Variants in TEKT3 observed in about 807,000 individuals in gnomAD.
TEKT3 encodes the protein tektin 3.
A neutral mutation model predicts 49.8 loss-of-function variants in TEKT3; 49 were observed. The observed-to-expected ratio is 0.98, with a 90% CI of 0.78 to 1.25. The LOEUF is 1.25. Ranked by LOEUF, TEKT3 falls within the 50% of genes most tolerant of loss-of-function variation. The pLI is 0.00. For missense variants in TEKT3, 595 were observed against 629.5 expected, an observed-to-expected ratio of 0.95 and a Z score of 0.59; for synonymous variants, 225 against 237.2, an observed-to-expected ratio of 0.95 and a Z score of 0.47.
At chr17:15,311,627 A>G (rs1235795766) in intron 7 of TEKT3, among the ~76,000 whole-genome samples, 1 of 152,214 alleles carries the variant, frequency 6.6e-6, no homozygotes, top group Non-Finnish European at 1.5e-5. Flanking sequence ...ATGAATATGT[A>G]CAATTATTTT....
rs991567427 is a variant in TEKT3, at chr17:15,341,576, C to G, written c.-122G>C. The G allele has an allele frequency of 6.6e-6, 1 of 152,372 alleles. No homozygotes were observed. The highest frequency in any genetic ancestry group is 6.5e-5 in the Admixed American group (1 of 15,288). 9.4% of individuals were successfully genotyped at this position (152,372 alleles called of 1,614,324 possible). A position where few individuals can be genotyped will look rare whatever the true frequency, so the allele number is the denominator to read the frequency against. ...GGCTGTGGGAGGAAGGGGTCGCAGC[C>G]TACCACCTGCAGCCCTCGACTGGGG... On this transcript the variant is annotated 5_prime_UTR_variant, in exon 1 of 9. Transcript: ENST00000395930.
chr17:15,308,080 A>G (rs1405956245), intron 8 of TEKT3, among the ~76,000 whole-genome samples: 1 of 152,208 alleles, frequency 6.6e-6, no homozygotes, highest in Admixed American at 6.5e-5. Flanking sequence ...TCTACTGAGA[A>G]TGAAACACAT....
upstream of TEKT3, among the ~76,000 whole-genome samples, chr17:15,343,481 G>C (rs1406805129): frequency 6.6e-6 from 1 of 152,078 alleles, no homozygotes; most frequent in Non-Finnish European, 1.5e-5. Flanking sequence ...AAAAAATAAA[G>C]CAAGACCACT....
chr17:15,318,205 G>A (rs1911100328), intron 5 of TEKT3, among the ~76,000 whole-genome samples: 1 of 151,892 alleles, frequency 6.6e-6, no homozygotes. Flanking sequence ...TAGCCAGGAT[G>A]GTCTCGATCT....
intron 4 of TEKT3, among the ~76,000 whole-genome samples, chr17:15,319,764 G>A (rs1181813159): frequency 1.3e-5 from 2 of 152,150 alleles, no homozygotes; most frequent in African/African-American, 4.8e-5. Context: ...CTGCTAGGAT[G>A]TATCCACTAG....
chr17:15,307,746 C>G (rs568672163), intron 8 of TEKT3, among the ~76,000 whole-genome samples: 1 of 152,258 alleles, frequency 6.6e-6, no homozygotes, highest in East Asian at 1.9e-4. Flanking sequence ...TTCTGGAGTT[C>G]ACGCACTGCC....
At chr17:15,319,022 T>C (rs780415379) in intron 5 of TEKT3, 55 bp downstream of exon 5, 31 of 1,410,852 alleles carry the variant, frequency 2.2e-5, no homozygotes, top group Non-Finnish European at 2.8e-5. Flanking sequence ...ATGAGGAGCA[T>C]GAAAGTATAG....
In TEKT3 at chr17:15,303,873, G is replaced by T; in HGVS notation, c.*63C>A. 6.8e-7 allele frequency: 1 copy of T among 1,460,560 alleles called. No individual in the cohort carries two copies. 90.5% of individuals were successfully genotyped at this position (1,460,560 alleles called of 1,614,324 possible). A position where few individuals can be genotyped will look rare whatever the true frequency, so the allele number is the denominator to read the frequency against. On this transcript the variant is annotated 3_prime_UTR_variant, in exon 9 of 9. Transcript: ENST00000395930. The stretch of plus-strand genomic sequence containing the variant: ...GACTATATTAGCATTCGGTTCAAAT[G>T]CTGAGACAGTGCTCTGGCTCAGCCT...
At chr17:15,316,618 AT>A (rs2150739494) in intron 5 of TEKT3, among the ~76,000 whole-genome samples, 1 of 152,264 alleles carries the variant, frequency 6.6e-6, no homozygotes, top group East Asian at 1.9e-4. Context: ...ATATATACAC[AT>A]TTTTTACAAA....
At position 15,312,430 on chromosome 17, in the gene TEKT3, G is replaced by A; in HGVS notation, c.930C>T (p.Arg310=). ...CGGAAGCTGCCCGTTCACTCTGGGA[G>A]CGGAGAATATTGTCATCTGTAAATT... ...WAKFTDDNIL[R]SQSERAASAK... is the part of the protein sequence containing the mutation. Residue 310 remains arginine (R), a synonymous_variant, in exon 7 of 9, where the codon CGC becomes CGT. Transcript: ENST00000395930. 1 of 1,614,180 alleles carries A rather than the reference G, an allele frequency of 6.2e-7. No homozygotes were observed. The highest frequency in any genetic ancestry group is 8.5e-7 in the Non-Finnish European group (1 of 1,180,034).
At chr17:15,312,228 A>G in intron 7 of TEKT3, 31 bp downstream of exon 7, 1 of 1,605,816 alleles carries the variant, frequency 6.2e-7, no homozygotes, top group Non-Finnish European at 8.5e-7. Context: ...TGTCCAGGTC[A>G]GCTAAGGGGT....
At chr17:15,316,870 A>G (rs1911033792) in intron 5 of TEKT3, among the ~76,000 whole-genome samples, 1 of 152,136 alleles carries the variant, frequency 6.6e-6, no homozygotes, top group African/African-American at 2.4e-5. Flanking sequence ...CTGCCTGGAC[A>G]CCCTCTGATC....
At chr17:15,310,402 T>C (rs1275303502) in intron 7 of TEKT3, among the ~76,000 whole-genome samples, 1 of 152,164 alleles carries the variant, frequency 6.6e-6, no homozygotes, top group African/African-American at 2.4e-5. Context: ...TATTTGGAGA[T>C]AGTGTCTCTG....
At chr17:15,343,610 C>T (rs911926739), upstream of TEKT3, among the ~76,000 whole-genome samples, 2 of 152,210 alleles carry the variant, frequency 1.3e-5, no homozygotes, top group Non-Finnish European at 2.9e-5. Flanking sequence ...AAGAGGGACT[C>T]AGTCAATGTT....
chr17:15,343,369 A>G (rs1214666070), upstream of TEKT3, among the ~76,000 whole-genome samples: 1 of 152,094 alleles, frequency 6.6e-6, no homozygotes, highest in Non-Finnish European at 1.5e-5. Context: ...ATACCCTCTC[A>G]AAAAAAATTG....
Position 15,321,059 on chromosome 17 carries a change from GAGTGC to G in TEKT3, c.664-1917_664-1913del, listed in dbSNP as rs552082440. ...GAGTCTTGCTCTATCTCCCAGGCCGGAGTGCAGTGGCGCGATCTCGGCTCACTGCA... is the reference window on the plus strand; with the variant it reads ...GAGTCTTGCTCTATCTCCCAGGCCGGAGTGGCGCGATCTCGGCTCACTGCA... On this transcript the variant is annotated intron_variant, in intron 4 of 8. Coordinates refer to ENST00000395930, the MANE Select transcript of TEKT3 (RefSeq NM_031898.3). Among the ~76,000 whole-genome samples the G allele has an allele frequency of 5.3e-5, 8 of 150,726 alleles. 1 individual carries two copies. The highest frequency in any genetic ancestry group is 5.3e-4 in the Admixed American group (8 of 15,126).
At chr17:15,321,012 A>ATT (rs1911228687) in intron 4 of TEKT3, among the ~76,000 whole-genome samples, 1 of 98,446 alleles carries the variant, frequency 1.0e-5, no homozygotes, top group Non-Finnish European at 2.0e-5. Flanking sequence ...CTACAACAAT[A>ATT]ATTTTTTTTT....
intron 8 of TEKT3, among the ~76,000 whole-genome samples, chr17:15,306,089 A>ATATATATATATGTGTGTGTGTG (rs1291765039): frequency 6.9e-6 from 1 of 144,314 alleles, no homozygotes; most frequent in African/African-American, 2.6e-5. Flanking sequence ...ATTTATATAT[A>ATATATATATATGTGTGTGTGTG]TGTGTGTGTG....
chr17:15,320,957 A>AG (rs1183410527), intron 4 of TEKT3, among the ~76,000 whole-genome samples: 3 of 151,874 alleles, frequency 2.0e-5, no homozygotes, highest in Non-Finnish European at 4.4e-5. Context: ...ACTTTTAGTG[A>AG]GGGAAAAAAA....
Sources: gnomAD v4.1 joint callset for allele counts (sites outside exome capture counted in the v4.1 genomes callset) on GRCh38, gnomAD v4.1.1 for gene constraint, MANE v1.5 for transcripts, NCBI Gene and HGNC (gene_info 2026-07-23, HGNC 2026-07-21) for gene names.